Variants in TENM3 observed in about 807,000 individuals in gnomAD.
The protein encoded by TENM3 is teneurin transmembrane protein 3, also known as teneurin-3.
TENM3 carries 63 observed loss-of-function variants against 255.1 expected under a neutral mutation model. The observed-to-expected ratio is 0.25, with a 90% CI of 0.20 to 0.30. TENM3 has a LOEUF of 0.30. TENM3 is among the 10% of genes least tolerant of loss of function. The probability of loss-of-function intolerance (pLI) is 1.00; values close to 1 mark genes in which losing one functional copy is unlikely to be tolerated. For synonymous variants in TENM3, 1,306 were observed against 1,322.3 expected, an observed-to-expected ratio of 0.99 and a Z score of 0.27; for missense variants, 2,929 against 3,461.1, an observed-to-expected ratio of 0.85 and a Z score of 3.86.
At chr4:182,183,726 G>T (rs1292597515) in intron 1 of TENM3, among the ~76,000 whole-genome samples, 2 of 152,086 alleles carry the variant, frequency 1.3e-5, no homozygotes, top group African/African-American at 2.4e-5. Context: ...GATTGTGGAA[G>T]TTATTTCTGA....
At chr4:181,557,684 C>T in the TENM3 span, among the ~76,000 whole-genome samples, 3 of 99,604 alleles carry the variant, frequency 3.0e-5, no homozygotes, top group African/African-American at 1.2e-4. Flanking sequence ...CTGCCACCAC[C>T]CCCAGCTATT....
chr4:181,751,702 A>G, the TENM3 span, among the ~76,000 whole-genome samples: 2 of 152,126 alleles, frequency 1.3e-5, no homozygotes, highest in African/African-American at 4.8e-5. Context: ...TACAGAAAAA[A>G]TCCTACGGTT....
At chr4:182,731,457 G>A (rs542749128) in intron 16 of TENM3, among the ~76,000 whole-genome samples, 6 of 151,286 alleles carry the variant, frequency 4.0e-5, no homozygotes, top group African/African-American at 1.2e-4. Flanking sequence ...GCAGTGAGCC[G>A]AGATCACACA....
chr4:181,604,233 C>G, the TENM3 span, among the ~76,000 whole-genome samples: 35 of 152,080 alleles, frequency 2.3e-4, no homozygotes, highest in African/African-American at 4.8e-5. Flanking sequence ...CCACAGCACT[C>G]CAGCCTGGGC....
chr4:181,983,487 G>A, the TENM3 span, among the ~76,000 whole-genome samples: 1 of 152,070 alleles, frequency 6.6e-6, no homozygotes, highest in African/African-American at 2.4e-5. Flanking sequence ...AACATCTTCT[G>A]TCTCAGCAAC....
the TENM3 span, among the ~76,000 whole-genome samples, chr4:181,852,285 T>G: frequency 1.3e-5 from 2 of 152,230 alleles, no homozygotes; most frequent in African/African-American, 2.4e-5. Context: ...GAGAACTTAA[T>G]GTCAGAAACC....
chr4:181,527,541 G>C, the TENM3 span, among the ~76,000 whole-genome samples: 1 of 151,060 alleles, frequency 6.6e-6, no homozygotes, highest in Non-Finnish European at 1.5e-5. Context: ...GCTAATTTTT[G>C]TATTTTTAGT....
the TENM3 span, among the ~76,000 whole-genome samples, chr4:181,721,135 G>C: frequency 1.3e-5 from 2 of 151,944 alleles, no homozygotes; most frequent in African/African-American, 2.4e-5. Flanking sequence ...ATTCCGGGAG[G>C]GGGGAACATT....
chr4:182,582,819 GA>G lies in TENM3; in HGVS notation c.512-18099del, dbSNP rs1745631631. On this transcript the variant is annotated intron_variant, in intron 3 of 27. Transcript: ENST00000511685. Reference sequence around the variant, plus strand: ...TCCTTCAGTGAACCACATACAACAAGAAAAAATTCACATAAACATTGAAGGA... The same window carrying G: ...TCCTTCAGTGAACCACATACAACAAGAAAAATTCACATAAACATTGAAGGA... 2.6e-5 allele frequency among the ~76,000 whole-genome samples: 4 copies of G among 152,198 alleles called. No individual in the cohort carries two copies. In the South Asian group the frequency reaches 8.3e-4, roughly 32 times the overall value.
chr4:182,376,870 T>C (rs1767210972), intron 3 of TENM3, among the ~76,000 whole-genome samples: 1 of 152,164 alleles, frequency 6.6e-6, no homozygotes, highest in African/African-American at 2.4e-5. Context: ...CAAAAATAAG[T>C]GAAGACAATA....
At chr4:182,738,771 C>T (rs770340581) in intron 18 of TENM3, among the ~76,000 whole-genome samples, 2 of 152,100 alleles carry the variant, frequency 1.3e-5, no homozygotes, top group Admixed American at 6.5e-5. Flanking sequence ...ATGAATTGAT[C>T]GCCAAAATGA....
intron 1 of TENM3, among the ~76,000 whole-genome samples, chr4:182,297,023 T>C (rs1761538823): frequency 6.6e-6 from 1 of 152,206 alleles, no homozygotes; most frequent in African/African-American, 2.4e-5. Context: ...TTACACCATA[T>C]TTTATAGTTA....
chr4:181,528,872 A>AACAC, the TENM3 span, among the ~76,000 whole-genome samples: 1 of 151,954 alleles, frequency 6.6e-6, no homozygotes, highest in African/African-American at 2.4e-5. Context: ...CTGATAACCA[A>AACAC]ACACACACAC....
At chr4:182,073,507 G>A in the TENM3 span, among the ~76,000 whole-genome samples, 1 of 152,168 alleles carries the variant, frequency 6.6e-6, no homozygotes, top group Non-Finnish European at 1.5e-5. Flanking sequence ...TCAGAACTGT[G>A]AGAAAATACA....
chr4:181,849,949 T>TCTCTCTCTCTCTCACACACA, the TENM3 span, among the ~76,000 whole-genome samples: 97 of 65,966 alleles, frequency 1.5e-3, 1 homozygote, highest in Non-Finnish European at 2.1e-3. Flanking sequence ...TCTCTCTCTC[T>TCTCTCTCTCTCTCACACACA]CACACACACA....
chr4:182,374,930 TG>T (rs1158998495), intron 3 of TENM3, among the ~76,000 whole-genome samples: 2 of 152,194 alleles, frequency 1.3e-5, no homozygotes, highest in Non-Finnish European at 2.9e-5. Context: ...GCAATTCCTG[TG>T]AAGACATTGT....
intron 4 of TENM3, among the ~76,000 whole-genome samples, chr4:182,620,793 A>G (rs185287078): frequency 6.6e-5 from 10 of 152,202 alleles, no homozygotes; most frequent in Non-Finnish European, 1.2e-4. Context: ...CAGTGGTGCA[A>G]TCACAGCTCA....
the TENM3 span, among the ~76,000 whole-genome samples, chr4:181,938,762 A>G: frequency 6.6e-6 from 1 of 152,246 alleles, no homozygotes; most frequent in Non-Finnish European, 1.5e-5. Context: ...TTTATTCAGC[A>G]GTGAAATGCC....
the TENM3 span, among the ~76,000 whole-genome samples, chr4:181,881,679 G>A: frequency 6.6e-6 from 1 of 152,018 alleles, no homozygotes; most frequent in Non-Finnish European, 1.5e-5. Flanking sequence ...AATATGAGTG[G>A]GACTGAGTGT....
Sources: gnomAD v4.1 joint callset for allele counts (sites outside exome capture counted in the v4.1 genomes callset) on GRCh38, gnomAD v4.1.1 for gene constraint, MANE v1.5 for transcripts, NCBI Gene and HGNC (gene_info 2026-07-23, HGNC 2026-07-21) for gene names.